BMP2K: variants seen among roughly 807,000 people sequenced by gnomAD.
The protein encoded by BMP2K is BMP-2-inducible protein kinase.
A neutral mutation model predicts 116.0 loss-of-function variants in BMP2K; 74 were observed. That is an observed-to-expected ratio of 0.64 (90% CI 0.53 to 0.77). BMP2K has a LOEUF of 0.77. BMP2K is among the 30% of genes least tolerant of loss of function. The pLI is 0.00. For missense variants in BMP2K, 1,365 were observed against 1,403.6 expected, an observed-to-expected ratio of 0.97 and a Z score of 0.44; for synonymous variants, 486 against 502.5, an observed-to-expected ratio of 0.97 and a Z score of 0.44.
At chr4:78,819,554 G>T (rs932018593) in intron 1 of BMP2K, among the ~76,000 whole-genome samples, 1 of 152,068 alleles carries the variant, frequency 6.6e-6, no homozygotes, top group South Asian at 2.1e-4. Context: ...TTATTCTTTA[G>T]AATAGTCCTA....
chr4:78,855,328 G>A (rs1731452922), intron 7 of BMP2K, among the ~76,000 whole-genome samples: 1 of 152,116 alleles, frequency 6.6e-6, no homozygotes, highest in Non-Finnish European at 1.5e-5. Flanking sequence ...GCAATAACTT[G>A]AAGTTTGTGG....
chr4:78,865,968 A>G (rs906743482), intron 10 of BMP2K, among the ~76,000 whole-genome samples: 9 of 152,204 alleles, frequency 5.9e-5, no homozygotes, highest in Non-Finnish European at 1.2e-4. Context: ...GATACTATAA[A>G]TACAAACTCT....
chr4:78,792,136 A>G (rs954991368), intron 1 of BMP2K, among the ~76,000 whole-genome samples: 11 of 152,212 alleles, frequency 7.2e-5, no homozygotes, highest in Non-Finnish European at 1.5e-5. Context: ...TAGCCATCGT[A>G]ATGAAGTGTT....
In BMP2K at chr4:78,871,005, AG is replaced by A; in HGVS notation, c.1455del (p.Gln485HisfsTer35). The A allele has an allele frequency of 1.9e-6, 3 of 1,591,046 alleles. No homozygotes were observed. Among genetic ancestry groups the A allele is most frequent in the African/African-American group, 1.3e-5 (1 of 74,892 alleles). Reference protein sequence around the residue: ...QQQQQQQQQQQQHHHHHHHHL... With the variant: ...QQQQQQQQQQXQHHHHHHHHL... ...CAACAGCAGCAGCAGCAGCAGCAGC[AG>A]CAGCACCACCACCACCACCACCACC... On this transcript the variant is annotated frameshift_variant, in exon 11 of 16. Coordinates refer to ENST00000502613, the MANE Select transcript of BMP2K (RefSeq NM_198892.2). LOFTEE classifies it high-confidence loss of function.
At chr4:78,834,735 G>A (rs1017771186) in intron 3 of BMP2K, among the ~76,000 whole-genome samples, 22 of 152,058 alleles carry the variant, frequency 1.4e-4, no homozygotes, top group Non-Finnish European at 1.9e-4. Context: ...TGAAGGTTGC[G>A]GAAAAAGAGG....
At chr4:78,850,141 C>CA (rs1040758420) in intron 6 of BMP2K, among the ~76,000 whole-genome samples, 2 of 151,454 alleles carry the variant, frequency 1.3e-5, no homozygotes, top group African/African-American at 4.8e-5. Flanking sequence ...TTTCTTGAGC[C>CA]AAAAAATCAC....
At chr4:78,783,489 T>C (rs930750913) in intron 1 of BMP2K, among the ~76,000 whole-genome samples, 2 of 152,214 alleles carry the variant, frequency 1.3e-5, no homozygotes, top group African/African-American at 4.8e-5. Context: ...AAATTTATAA[T>C]GCATTTATCT....
chr4:78,903,990 TTC>T (rs1392116956), intron 15 of BMP2K, among the ~76,000 whole-genome samples: 7 of 151,952 alleles, frequency 4.6e-5, no homozygotes, highest in Non-Finnish European at 7.4e-5. Flanking sequence ...GGTCTCAGAT[TTC>T]TTACGTATAA....
At chr4:78,803,693 A>G (rs1390778449) in intron 1 of BMP2K, among the ~76,000 whole-genome samples, 1 of 152,164 alleles carries the variant, frequency 6.6e-6, no homozygotes, top group East Asian at 1.9e-4. Flanking sequence ...ACTTTTTAAT[A>G]GGAATGCCAT....
chr4:78,897,564 C>A (rs1234237537), intron 15 of BMP2K, among the ~76,000 whole-genome samples: 1 of 152,120 alleles, frequency 6.6e-6, no homozygotes, highest in Non-Finnish European at 1.5e-5. Context: ...ACTTCATTTT[C>A]CTTGTAGATC....
chr4:78,794,666 G>A (rs1289620447), intron 1 of BMP2K, among the ~76,000 whole-genome samples: 1 of 152,048 alleles, frequency 6.6e-6, no homozygotes, highest in Admixed American at 6.6e-5. Context: ...GGGCTCAAGC[G>A]ATCTTCCCAC....
At chr4:78,840,618 CT>C (rs902700906) in intron 3 of BMP2K, among the ~76,000 whole-genome samples, 17 of 151,700 alleles carry the variant, frequency 1.1e-4, no homozygotes, top group African/African-American at 3.4e-4. Context: ...GACTTTTTAC[CT>C]TTTTTTTAAA....
At chr4:78,788,558 C>A (rs2109928659) in intron 1 of BMP2K, among the ~76,000 whole-genome samples, 1 of 152,034 alleles carries the variant, frequency 6.6e-6, no homozygotes, top group Non-Finnish European at 1.5e-5. Context: ...GTTTATGCAA[C>A]CCAAAGGAGA....
intron 7 of BMP2K, among the ~76,000 whole-genome samples, chr4:78,857,164 A>C (rs1453183075): frequency 1.3e-5 from 2 of 152,152 alleles, no homozygotes; most frequent in Non-Finnish European, 2.9e-5. Context: ...GCTTACATTT[A>C]CCATATTAAT....
chr4:78,837,845 G>GTA (rs1427969758), intron 3 of BMP2K, among the ~76,000 whole-genome samples: 1 of 152,112 alleles, frequency 6.6e-6, no homozygotes, highest in Admixed American at 6.5e-5. Flanking sequence ...GTCTCACTTT[G>GTA]TAGCCCAGGG....
chr4:78,878,963 A>G, intron 14 of BMP2K, 72 bp downstream of exon 14: 1 of 1,547,052 alleles, frequency 6.5e-7, no homozygotes, highest in Non-Finnish European at 8.7e-7. Flanking sequence ...GCAAGGCCAA[A>G]GACTTTTGAG....
intron 7 of BMP2K, among the ~76,000 whole-genome samples, chr4:78,851,592 C>A (rs1338198995): frequency 6.6e-6 from 1 of 152,000 alleles, no homozygotes; most frequent in Non-Finnish European, 1.5e-5. Context: ...CATTCAAGTA[C>A]CCCTTGTTGT....
At chr4:78,824,287 T>C (rs1729767179) in intron 1 of BMP2K, among the ~76,000 whole-genome samples, 1 of 152,224 alleles carries the variant, frequency 6.6e-6, no homozygotes, top group Non-Finnish European at 1.5e-5. Context: ...TCTGTTCTCA[T>C]GCTGCTAATA....
chr4:78,830,557 C>T (rs180713209), intron 2 of BMP2K, among the ~76,000 whole-genome samples: 4 of 152,304 alleles, frequency 2.6e-5, no homozygotes, highest in Non-Finnish European at 4.4e-5. Context: ...ATGGCATCTT[C>T]CTCCAATAGA....
Sources: gnomAD v4.1 joint callset for allele counts (sites outside exome capture counted in the v4.1 genomes callset) on GRCh38, gnomAD v4.1.1 for gene constraint, MANE v1.5 for transcripts, NCBI Gene and HGNC (gene_info 2026-07-23, HGNC 2026-07-21) for gene names.